The following BNC2 variants were observed in gnomAD, a reference collection of about 807,000 sequenced individuals.
BNC2 encodes the protein zinc finger protein basonuclin-2.
A neutral mutation model predicts 76.3 loss-of-function variants in BNC2; 20 were observed. That is an observed-to-expected ratio of 0.26 (90% CI 0.18 to 0.38). The LOEUF is 0.38. Ranked by LOEUF, BNC2 falls within the 10% of genes least tolerant of loss-of-function variation. The pLI is 1.00. For missense variants in BNC2, 1,382 were observed against 1,399.8 expected, an observed-to-expected ratio of 0.99 and a Z score of 0.20; for synonymous variants, 582 against 514.8, an observed-to-expected ratio of 1.13 and a Z score of -1.77.
chr9:16,547,062 A>G (rs2132459414), intron 5 of BNC2, among the ~76,000 whole-genome samples: 1 of 152,352 alleles, frequency 6.6e-6, no homozygotes, highest in African/African-American at 2.4e-5. Flanking sequence ...TGATCAGGGG[A>G]AAGTCACTTA....
At chr9:16,821,536 C>T (rs1198639795) in intron 1 of BNC2, among the ~76,000 whole-genome samples, 1 of 152,108 alleles carries the variant, frequency 6.6e-6, no homozygotes, top group Non-Finnish European at 1.5e-5. Flanking sequence ...TAAAACATGC[C>T]CTGGCAGTCA....
In BNC2 at chr9:16,433,820, T is replaced by G. The variant is rs564239039; in HGVS notation, c.2639+1735A>C. On this transcript the variant is annotated intron_variant, in intron 6 of 6. Transcript: ENST00000380672. ...CATGCAATTAAGCTTAAATTTTGGCTTGTCTTCAAACACTCCATTTCCATA... is the reference window on the plus strand; with the variant it reads ...CATGCAATTAAGCTTAAATTTTGGCGTGTCTTCAAACACTCCATTTCCATA... Among the ~76,000 whole-genome samples the G allele has an allele frequency of 3.9e-5, 6 of 152,322 alleles. 1 individual carries two copies. The highest frequency in any genetic ancestry group is 3.9e-4 in the Admixed American group (6 of 15,304).
At chr9:16,550,249 T>C (rs1818617495) in intron 5 of BNC2, among the ~76,000 whole-genome samples, 1 of 151,420 alleles carries the variant, frequency 6.6e-6, no homozygotes, top group South Asian at 2.1e-4. Flanking sequence ...TCTTAAAACA[T>C]TATGAGAGTT....
intron 1 of BNC2, among the ~76,000 whole-genome samples, chr9:16,763,315 T>C (rs1825604986): frequency 6.6e-6 from 1 of 152,084 alleles, no homozygotes; most frequent in African/African-American, 2.4e-5. Context: ...CACACGTATA[T>C]TCCCAGCATT....
intron 1 of BNC2, among the ~76,000 whole-genome samples, chr9:16,853,406 C>T (rs1167838691): frequency 5.7e-5 from 5 of 87,010 alleles, no homozygotes; most frequent in Non-Finnish European, 1.3e-4. Context: ...GACCTTGTCT[C>T]AAAAAAAAAA....
At chr9:16,809,864 G>C (rs1430746288) in intron 1 of BNC2, among the ~76,000 whole-genome samples, 7 of 152,090 alleles carry the variant, frequency 4.6e-5, no homozygotes, top group Non-Finnish European at 1.0e-4. Flanking sequence ...TATGATAAAG[G>C]AATAAAATTT....
At chr9:16,727,337 C>G (rs555491474) in intron 3 of BNC2, 2 of 169,944 alleles carry the variant, frequency 1.2e-5, no homozygotes, top group African/African-American at 4.8e-5. Context: ...CTGCCTCCAG[C>G]CACATGAAGT....
At chr9:16,713,174 G>A (rs1194377468) in intron 3 of BNC2, among the ~76,000 whole-genome samples, 1 of 152,022 alleles carries the variant, frequency 6.6e-6, no homozygotes, top group Non-Finnish European at 1.5e-5. Context: ...TTTTTTTAAG[G>A]ACTGCAATGG....
At chr9:16,430,755 T>G (rs541242508) in intron 6 of BNC2, among the ~76,000 whole-genome samples, 38 of 152,354 alleles carry the variant, frequency 2.5e-4, no homozygotes, top group Middle Eastern at 3.4e-3. Context: ...GGAACAAATT[T>G]AGTTCTGGAG....
intron 3 of BNC2, among the ~76,000 whole-genome samples, chr9:16,593,546 G>T (rs1198848661): frequency 6.6e-6 from 1 of 151,924 alleles, no homozygotes; most frequent in Admixed American, 6.6e-5. Context: ...GTGTGTGTGT[G>T]TTTCAATTAA....
At chr9:16,777,227 T>C (rs1446395172) in intron 1 of BNC2, among the ~76,000 whole-genome samples, 4 of 152,112 alleles carry the variant, frequency 2.6e-5, no homozygotes, top group Non-Finnish European at 5.9e-5. Flanking sequence ...AGAAGAGTCT[T>C]AGCCAAGGTA....
chr9:16,758,123 C>G (rs1047074617), intron 1 of BNC2, among the ~76,000 whole-genome samples: 3 of 152,174 alleles, frequency 2.0e-5, no homozygotes, highest in African/African-American at 7.2e-5. Context: ...CTATCCGCCA[C>G]CAGCATTCCT....
chr9:16,728,157 C>T (rs1490027407), intron 2 of BNC2, 160 bp from the exon 3 acceptor site: 2 of 743,232 alleles, frequency 2.7e-6, no homozygotes, highest in Non-Finnish European at 4.8e-6. Context: ...ACAGATATCC[C>T]TATCATTTAT....
intron 3 of BNC2, among the ~76,000 whole-genome samples, chr9:16,606,919 ATCC>A: frequency 1.3e-5 from 2 of 152,240 alleles, no homozygotes; most frequent in South Asian, 2.1e-4. Flanking sequence ...GCCTGCGGCC[ATCC>A]ACATAATGTG....
At chr9:16,712,795 G>C (rs1188916279) in intron 3 of BNC2, among the ~76,000 whole-genome samples, 3 of 152,318 alleles carry the variant, frequency 2.0e-5, no homozygotes, top group Admixed American at 6.5e-5. Flanking sequence ...AATACATCCA[G>C]TTAACTGCTA....
chr9:16,595,618 A>T (rs1045232799), intron 3 of BNC2, among the ~76,000 whole-genome samples: 4 of 152,150 alleles, frequency 2.6e-5, no homozygotes. Context: ...GGCTAAATTC[A>T]TATGCTCAGA....
chr9:16,461,114 T>C (rs1178521271), intron 5 of BNC2, among the ~76,000 whole-genome samples: 1 of 152,206 alleles, frequency 6.6e-6, no homozygotes, highest in African/African-American at 2.4e-5. Context: ...CTCTTGGTTA[T>C]AGGTAAAACA....
intron 3 of BNC2, among the ~76,000 whole-genome samples, chr9:16,595,431 G>A (rs1226582040): frequency 2.0e-5 from 3 of 152,128 alleles, no homozygotes; most frequent in Non-Finnish European, 4.4e-5. Context: ...GGTCTGTGCT[G>A]AGACCTGGAC....
chr9:16,847,816 A>G (rs1819025734), intron 1 of BNC2, among the ~76,000 whole-genome samples: 1 of 152,234 alleles, frequency 6.6e-6, no homozygotes, highest in South Asian at 2.1e-4. Context: ...ACGGAGCAGC[A>G]TGTGCGGTAG....
Sources: gnomAD v4.1 joint callset for allele counts (sites outside exome capture counted in the v4.1 genomes callset) on GRCh38, gnomAD v4.1.1 for gene constraint, MANE v1.5 for transcripts, NCBI Gene and HGNC (gene_info 2026-07-23, HGNC 2026-07-21) for gene names.